Variants in LRRC8A observed in about 807,000 individuals in gnomAD.
LRRC8A encodes leucine rich repeat containing 8 VRAC subunit A.
LRRC8A carries 24 observed loss-of-function variants against 52.5 expected under a neutral mutation model. The observed-to-expected ratio is 0.46, with a 90% CI of 0.33 to 0.64. The LOEUF (loss-of-function observed/expected upper bound fraction) is 0.64, where lower values mean the gene tolerates loss of function less well. LRRC8A is among the 30% of genes least tolerant of loss of function. LRRC8A has a pLI of 0.02. For missense variants in LRRC8A, 677 were observed against 1,094.7 expected, an observed-to-expected ratio of 0.62 and a Z score of 5.38; for synonymous variants, 492 against 494.2, an observed-to-expected ratio of 1.00 and a Z score of 0.06.
At position 128,902,567 on chromosome 9, in the gene LRRC8A, C is replaced by T. The variant is rs185344603; in HGVS notation, c.-8-4590C>T. ...TCCTGCCCGCTCAAACAGCCGCGCC[C>T]GCCCTGGCTGTCTCATTCCAGACTT... On this transcript the variant is annotated intron_variant, in intron 2 of 3. Transcript: ENST00000372600. This position sits in a 1 kb window ranked among gnomAD's most constrained non-coding sequence, Gnocchi z 4.1. Among the ~76,000 whole-genome samples the T allele has an allele frequency of 3.9e-5, 6 of 152,336 alleles. No homozygotes were observed. Among genetic ancestry groups the T allele is most frequent in the East Asian group, 1.9e-4 (1 of 5,190 alleles).
At chr9:128,915,165 A>G (rs1840752577) in intron 3 of LRRC8A, among the ~76,000 whole-genome samples, 1 of 152,164 alleles carries the variant, frequency 6.6e-6, no homozygotes, top group Admixed American at 6.5e-5. Context: ...TCGTCTGTTA[A>G]CAGTAATTGC....
rs754675539 is a variant in LRRC8A at position 128,908,662 on chromosome 9, A to G, written c.1498A>G (p.Ile500Val). 6.2e-7 allele frequency: 1 copy of G among 1,612,770 alleles called. No homozygotes were observed. Among genetic ancestry groups the G allele is most frequent in the Admixed American group, 1.7e-5 (1 of 60,002 alleles). The change falls in exon 3 of 4, where the codon ATC becomes GTC. Residue 500 changes from isoleucine (I) to valine (V), a missense_variant. By Grantham distance (29) the Ile-to-Val change is conservative. Coordinates refer to ENST00000372600, the MANE Select transcript of LRRC8A (RefSeq NM_019594.4). Reference protein sequence around the residue: ...FLRENLRALHIKFTDIKEIPL... With the variant: ...FLRENLRALHVKFTDIKEIPL... ...GCGTGAGAACCTGCGGGCGCTGCAC[A>G]TCAAGTTCACCGACATCAAGGAGAT...
At chr9:128,900,402 A>C (rs1252921256) in intron 2 of LRRC8A, among the ~76,000 whole-genome samples, 1 of 152,340 alleles carries the variant, frequency 6.6e-6, no homozygotes, top group Admixed American at 6.5e-5. Flanking sequence ...CCCACTCTGC[A>C]CAAAGCACTT....
intron 1 of LRRC8A, 48 bp from the exon 2 acceptor site, chr9:128,885,967 C>G (rs1430645927): frequency 2.0e-5 from 3 of 152,266 alleles, no homozygotes; most frequent in African/African-American, 7.2e-5. Context: ...CAGGTAACTG[C>G]GACAGTCACA....
intron 2 of LRRC8A, among the ~76,000 whole-genome samples, chr9:128,889,582 C>T (rs1324935229): frequency 1.3e-5 from 2 of 151,850 alleles, no homozygotes; most frequent in Non-Finnish European, 2.9e-5. Flanking sequence ...GCAACCTCCA[C>T]CTCCCAGGTT....
rs1588209647 is a variant in LRRC8A, at chr9:128,899,441, G to A, written c.-8-7716G>A. 6.6e-6 allele frequency among the ~76,000 whole-genome samples: 1 copy of A among 152,220 alleles called. No individual in the cohort carries two copies. The highest frequency in any genetic ancestry group is 2.4e-5 in the African/African-American group (1 of 41,522). ...CCCACCCTGGAGGTGCTGCCTGTCT[G>A]GGCCCACTGTAAATCCAGGTTTGAA... is the stretch of plus-strand genomic sequence containing the variant. On this transcript the variant is annotated intron_variant, in intron 2 of 3. Transcript: ENST00000372600. This position sits in a 1 kb window ranked among gnomAD's most constrained non-coding sequence, Gnocchi z 4.0.
At chr9:128,909,782 C>T (rs982103374) in intron 3 of LRRC8A, among the ~76,000 whole-genome samples, 26 of 152,298 alleles carry the variant, frequency 1.7e-4, no homozygotes, top group Non-Finnish European at 2.5e-4. Context: ...GGAGCCAATC[C>T]GGGTCCACCC....
chr9:128,882,826 C>G, intron 1 of LRRC8A: 1 of 398,772 alleles, frequency 2.5e-6, no homozygotes, highest in Non-Finnish European at 4.4e-6. Flanking sequence ...TCTAAGAACC[C>G]AGACCCTGTC....
intron 3 of LRRC8A, among the ~76,000 whole-genome samples, chr9:128,915,815 C>T (rs1376265813): frequency 6.6e-6 from 1 of 152,086 alleles, no homozygotes; most frequent in Admixed American, 6.5e-5. Flanking sequence ...CCTTAGAGCC[C>T]ACATCAAGGG....
In LRRC8A at chr9:128,907,201, A is replaced by G. The variant is rs1466313871; in HGVS notation, c.37A>G (p.Thr13Ala). 1.9e-6 allele frequency: 3 copies of G among 1,611,956 alleles called. No individual in the cohort carries two copies. The highest frequency in any genetic ancestry group is 2.5e-6 in the Non-Finnish European group (3 of 1,178,224). Reference sequence around the variant, plus strand: ...GACAGAGCTCCGCTACTTTGCGGACACGCAGCCAGCATACCGGATCCTGAA... The same window carrying G: ...GACAGAGCTCCGCTACTTTGCGGACGCGCAGCCAGCATACCGGATCCTGAA... ...PVTELRYFAD[T>A]QPAYRILKPW... The change falls in exon 3 of 4, where the codon ACG becomes GCG. Residue 13 changes from threonine (T) to alanine (A), a missense_variant. This residue lies in a region of LRRC8A where 32 missense variants were observed against 86.0 expected (regional missense o/e 0.37). Coordinates refer to ENST00000372600, the MANE Select transcript of LRRC8A (RefSeq NM_019594.4). This position sits in a 1 kb window ranked among gnomAD's most constrained non-coding sequence, Gnocchi z 9.3.
intron 2 of LRRC8A, among the ~76,000 whole-genome samples, chr9:128,895,458 A>G (rs1338173089): frequency 6.6e-6 from 1 of 152,244 alleles, no homozygotes; most frequent in Non-Finnish European, 1.5e-5. Context: ...TACATGTCCC[A>G]AACTCCAAGT....
intron 2 of LRRC8A, among the ~76,000 whole-genome samples, chr9:128,906,316 A>ATTTTTTTTT (rs71383620): frequency 5.0e-5 from 4 of 79,282 alleles, no homozygotes; most frequent in Non-Finnish European, 6.9e-5. Flanking sequence ...CCCATGTGGA[A>ATTTTTTTTT]TTTTTTTTTT....
chr9:128,882,763 C>G (rs552298486), intron 1 of LRRC8A: 1 of 399,008 alleles, frequency 2.5e-6, no homozygotes, highest in South Asian at 1.3e-4. Flanking sequence ...GGATCCCCGG[C>G]TAGGCTCTTG....
At chr9:128,915,436 T>C (rs1189209095) in intron 3 of LRRC8A, among the ~76,000 whole-genome samples, 1 of 152,204 alleles carries the variant, frequency 6.6e-6, no homozygotes, top group Admixed American at 6.5e-5. Flanking sequence ...GCCATTCTCC[T>C]GCCTCAGCCT....
intron 2 of LRRC8A, among the ~76,000 whole-genome samples, chr9:128,894,496 A>G (rs1267564556): frequency 2.0e-5 from 3 of 149,152 alleles, no homozygotes; most frequent in African/African-American, 2.5e-5. Flanking sequence ...AAAAAAAAAA[A>G]TTATACCAGT....
intron 2 of LRRC8A, among the ~76,000 whole-genome samples, chr9:128,901,053 A>G (rs1203218831): frequency 1.3e-5 from 2 of 152,166 alleles, no homozygotes; most frequent in Admixed American, 6.5e-5. Context: ...CACGCCTGTA[A>G]TCCCAGCTAC....
At chr9:128,913,463 G>T (rs1840651075) in intron 3 of LRRC8A, among the ~76,000 whole-genome samples, 2 of 152,192 alleles carry the variant, frequency 1.3e-5, no homozygotes, top group Non-Finnish European at 2.9e-5. Flanking sequence ...GCACGGGCCG[G>T]CGACAATCCG....
chr9:128,896,343 G>A (rs1839823597), intron 2 of LRRC8A, among the ~76,000 whole-genome samples: 1 of 152,178 alleles, frequency 6.6e-6, no homozygotes, highest in Non-Finnish European at 1.5e-5. Flanking sequence ...GGTCATTTCT[G>A]ATTTTTTGCT....
rs1564533236 is a variant in LRRC8A at position 128,916,200 on chromosome 9, C to T, written c.2262C>T (p.Thr754=). The change falls in exon 4 of 4, where the codon ACC becomes ACT. Residue 754 remains threonine, a synonymous_variant. Transcript: ENST00000372600. This position sits in a 1 kb window ranked among gnomAD's most constrained non-coding sequence, Gnocchi z 6.1. ...TGCCCTCCAGGGTGGGCGAGCTGAC[C>T]AACCTGACGCAGATCGAGCTGCGGG... ...QSLPSRVGEL[T]NLTQIELRGN... 6.2e-7 allele frequency: 1 copy of T among 1,613,444 alleles called. No homozygotes were observed. Among genetic ancestry groups the T allele is most frequent in the Non-Finnish European group, 8.5e-7 (1 of 1,179,992 alleles).
Sources: allele counts gnomAD v4.1 joint callset (sites outside exome capture counted in the v4.1 genomes callset), GRCh38; gene constraint gnomAD v4.1.1; regional missense constraint gnomAD v4.1.1; non-coding constraint Gnocchi (gnomAD v3.1); transcripts MANE v1.5; gene names NCBI Gene and HGNC (gene_info 2026-07-23, HGNC 2026-07-21).